Variants in PLEKHN1 observed in about 807,000 individuals in gnomAD.
PLEKHN1 encodes pleckstrin homology domain containing N1, also known as pleckstrin homology domain-containing family N member 1.
PLEKHN1 carries 68 observed loss-of-function variants against 72.8 expected under a neutral mutation model. The ratio of observed to expected loss-of-function variants is 0.93; its 90% CI spans 0.77 to 1.14. PLEKHN1 has a LOEUF of 1.14. Ranked by LOEUF, PLEKHN1 falls within the 50% of genes most tolerant of loss-of-function variation. The probability of loss-of-function intolerance (pLI) is 0.00; values close to 1 mark genes in which losing one functional copy is unlikely to be tolerated. For synonymous variants in PLEKHN1, 454 were observed against 371.6 expected, an observed-to-expected ratio of 1.22 and a Z score of -2.55; for missense variants, 1,015 against 840.5, an observed-to-expected ratio of 1.21 and a Z score of -2.57.
At chr1:968,315 AGG>A (rs1277106017) in intron 2 of PLEKHN1, among the ~76,000 whole-genome samples, 1 of 151,588 alleles carries the variant, frequency 6.6e-6, no homozygotes. Context: ...TCCTAGAAGG[AGG>A]AGGACACCTT....
Position 971,671 on chromosome 1 carries a change from G to T in PLEKHN1, c.789+267G>T, listed in dbSNP as rs1222663751. Reference sequence around the variant, plus strand: ...GAGAGCCCCTCCCGGGGACTCCCTTGTGTGTGCCTGCCCGTGAGGCGTGTG... The same window carrying T: ...GAGAGCCCCTCCCGGGGACTCCCTTTTGTGTGCCTGCCCGTGAGGCGTGTG... On this transcript the variant is annotated intron_variant, in intron 8 of 15. Coordinates refer to ENST00000379410, the MANE Select transcript of PLEKHN1 (RefSeq NM_032129.3). The T allele has an allele frequency of 1.7e-5, 10 of 595,230 alleles. 1 individual carries two copies. In the South Asian group the frequency reaches 2.0e-4, roughly 12 times the overall value. The allele number at this position is 595,230 out of a possible 1,614,324, so 36.9% of individuals were successfully genotyped here.
rs755771359 is a variant in PLEKHN1, at chr1:973,008, C to T, written c.1150C>T (p.Pro384Ser). 5.6e-6 allele frequency: 9 copies of T among 1,597,542 alleles called. No homozygotes were observed. Among genetic ancestry groups the T allele is most frequent in the Non-Finnish European group, 7.7e-6 (9 of 1,171,674 alleles). Residue 384 changes from proline to serine, a missense_variant and splice_region_variant, in exon 11 of 16, where the codon CCG becomes TCG. Pro to Ser is a moderately conservative substitution (Grantham distance 74). Transcript: ENST00000379410. ...STVGCSSQHT[P>S]DQANSDRASI... ...CGTGGGCTGCTCCTCCCAGCACACA[C>T]CGGTGAGCGCTTACGGGGTGGCAGA...
intron 15 of PLEKHN1, 22 bp downstream of exon 15, chr1:974,386 T>C (rs762293359): frequency 6.2e-7 from 1 of 1,612,862 alleles, no homozygotes; most frequent in East Asian, 2.2e-5. Context: ...TCCTGCCTCC[T>C]GAGGTGAGTG....
Position 970,786 on chromosome 1 carries a change from G to C in PLEKHN1, c.484+28G>C. The C allele has an allele frequency of 1.9e-6, 3 of 1,612,720 alleles. No individual in the cohort carries two copies. The highest frequency in any genetic ancestry group is 2.5e-6 in the Non-Finnish European group (3 of 1,179,904). ...GTTTGGGATGCTTCCCGGGCCCCCA[G>C]AGGCACTCCTGACCCAGGACTTGGA... is the stretch of plus-strand genomic sequence containing the variant. On this transcript the variant is annotated intron_variant, in intron 5 of 15. Coordinates refer to ENST00000379410, the MANE Select transcript of PLEKHN1 (RefSeq NM_032129.3). This position sits in a 1 kb window ranked among gnomAD's most constrained non-coding sequence, Gnocchi z 4.2.
At position 974,552 on chromosome 1, in the gene PLEKHN1, G is replaced by T; in HGVS notation, c.1813G>T (p.Gly605Trp). 6.2e-7 allele frequency: 1 copy of T among 1,612,038 alleles called. No homozygotes were observed. Among genetic ancestry groups the T allele is most frequent in the Non-Finnish European group, 8.5e-7 (1 of 1,179,696 alleles). Reference protein sequence around the residue: ...CPQLGGPEASGGLVQWI With the variant: ...CPQLGGPEASWGLVQWI ...CCAGCTTGGAGGGCCTGAGGCCAGT[G>T]GGGGGCTTGTGCAGTGGATCTGATG... Residue 605 changes from glycine to tryptophan, a missense_variant, in exon 16 of 16, where the codon GGG (glycine) becomes TGG (tryptophan). By Grantham distance (184) the Gly-to-Trp change is radical. Transcript: ENST00000379410.
intron 2 of PLEKHN1, among the ~76,000 whole-genome samples, chr1:967,664 G>A (rs933602111): frequency 8.5e-5 from 13 of 152,302 alleles, no homozygotes; most frequent in Admixed American, 2.6e-4. Context: ...CAGGAAGCTC[G>A]TGCCATACCC....
At chr1:973,711 T>G in intron 13 of PLEKHN1, 71 bp downstream of exon 13, 1 of 1,580,992 alleles carries the variant, frequency 6.3e-7, no homozygotes, top group South Asian at 1.1e-5. Context: ...GTCTAGACCG[T>G]GCGTCTCACC....
chr1:966,871 T>TCC (rs1401094048), intron 2 of PLEKHN1, 68 bp downstream of exon 2: 1 of 1,472,364 alleles, frequency 6.8e-7, no homozygotes, highest in Non-Finnish European at 9.1e-7. Context: ...GTGCCGTGTG[T>TCC]CCGTGCAGCT....
intron 2 of PLEKHN1, 51 bp downstream of exon 2, chr1:966,854 C>CGCGTGTGTGCCGTGTGTCCGT: frequency 1.3e-6 from 2 of 1,502,844 alleles, no homozygotes. Context: ...GCTCTGCCCG[C>CGCGTGTGTGCCGTGTGTCCGT]GCGTGTGTGC....
chr1:974,231 TG>T (rs757861702), intron 14 of PLEKHN1, 84 bp from the exon 15 acceptor site: 37 of 1,587,338 alleles, frequency 2.3e-5, no homozygotes, highest in Non-Finnish European at 2.4e-5. Context: ...CAGGGGGACA[TG>T]GGGGGCTGCA....
intron 2 of PLEKHN1, among the ~76,000 whole-genome samples, chr1:967,618 C>T (rs1643079235): frequency 6.6e-6 from 1 of 152,144 alleles, no homozygotes; most frequent in Non-Finnish European, 1.5e-5. Flanking sequence ...GCTGGCATGG[C>T]CGTGCAGACC....
intron 14 of PLEKHN1, 60 bp from the exon 15 acceptor site, chr1:974,256 C>T (rs1362131554): frequency 6.2e-6 from 10 of 1,610,726 alleles, no homozygotes; most frequent in East Asian, 2.2e-5. Context: ...TGACAGGCCG[C>T]CTCCAAGCTC....
intron 2 of PLEKHN1, among the ~76,000 whole-genome samples, chr1:969,767 GTA>G (rs1557644969): frequency 6.6e-6 from 1 of 151,386 alleles, no homozygotes; most frequent in Non-Finnish European, 1.5e-5. Context: ...TATTGTGTGT[GTA>G]TGCATGTGTG....
rs1430652985 is a variant in PLEKHN1 at position 969,242 on chromosome 1, G to A, written c.184-1035G>A. On this transcript the variant is annotated intron_variant, in intron 2 of 15. Transcript: ENST00000379410. The stretch of plus-strand genomic sequence containing the variant: ...CATGTTACACAGCTTAGGAAAGAAT[G>A]AAGATGGGTTTAATCCACTGAGTCC... Among the ~76,000 whole-genome samples, 4 of 152,370 alleles carry A rather than the reference G, an allele frequency of 2.6e-5. No individual in the cohort carries two copies. In the South Asian group the frequency reaches 6.2e-4, roughly 24 times the overall value.
At chr1:967,941 G>T (rs6669800) in intron 2 of PLEKHN1, among the ~76,000 whole-genome samples, 1 of 152,168 alleles carries the variant, frequency 6.6e-6, no homozygotes, top group African/African-American at 2.4e-5. Flanking sequence ...GCTGAACCTC[G>T]GGAAATGGGG....
At chr1:971,672 T>C (rs1643335068) in intron 8 of PLEKHN1, 1 of 594,484 alleles carries the variant, frequency 1.7e-6, no homozygotes, top group Non-Finnish European at 3.0e-6. Flanking sequence ...GACTCCCTTG[T>C]GTGTGCCTGC....
Position 970,673 on chromosome 1 carries a change from C to G in PLEKHN1, c.412-13C>G, listed in dbSNP as rs774576831. The G allele has an allele frequency of 3.1e-6, 5 of 1,596,970 alleles. No homozygotes were observed. The highest frequency in any genetic ancestry group is 4.3e-6 in the Non-Finnish European group (5 of 1,170,224). ...ATGGATCCCTGAAGCTCCTCCTACCCTGTGCCTGGCAGGGGCTGTTACCGC... is the reference window on the plus strand; with the variant it reads ...ATGGATCCCTGAAGCTCCTCCTACCGTGTGCCTGGCAGGGGCTGTTACCGC... On this transcript the variant is annotated splice_polypyrimidine_tract_variant and intron_variant, in intron 4 of 15. Transcript: ENST00000379410. This position sits in a 1 kb window ranked among gnomAD's most constrained non-coding sequence, Gnocchi z 4.2.
Position 972,151 on chromosome 1 carries a change from G to A in PLEKHN1, c.865+1G>A, listed in dbSNP as rs1394562263. On this transcript the variant is annotated splice_donor_variant, in intron 9 of 15. Coordinates refer to ENST00000379410, the MANE Select transcript of PLEKHN1 (RefSeq NM_032129.3). LOFTEE classifies it high-confidence loss of function. The stretch of plus-strand genomic sequence containing the variant: ...CAGATCCGCTCCTTCCTGATTGAAG[G>A]TAGGGCCCTGACCCTGGTTCTGCCT... 1 of 1,612,896 alleles carries A rather than the reference G, an allele frequency of 6.2e-7. No individual in the cohort carries two copies. Among genetic ancestry groups the A allele is most frequent in the Non-Finnish European group, 8.5e-7 (1 of 1,179,798 alleles).
At chr1:967,233 T>C (rs972928642) in intron 2 of PLEKHN1, among the ~76,000 whole-genome samples, 1 of 152,120 alleles carries the variant, frequency 6.6e-6, no homozygotes, top group Non-Finnish European at 1.5e-5. Context: ...TGCCGCTGGG[T>C]ATGGCCGCCT....
Sources: allele counts gnomAD v4.1 joint callset (sites outside exome capture counted in the v4.1 genomes callset), GRCh38; gene constraint gnomAD v4.1.1; non-coding constraint Gnocchi (gnomAD v3.1); transcripts MANE v1.5; gene names NCBI Gene and HGNC (gene_info 2026-07-23, HGNC 2026-07-21).